Variants in PEMT observed in about 807,000 individuals in gnomAD.
PEMT encodes the protein phosphatidylethanolamine N-methyltransferase.
PEMT carries 23 observed loss-of-function variants against 27.4 expected under a neutral mutation model. The observed-to-expected ratio is 0.84, with a 90% CI of 0.60 to 1.19. PEMT has a LOEUF of 1.19. Among genes scored for constraint, PEMT ranks in the 50% most tolerant of loss-of-function variants. PEMT has a pLI of 0.00. For synonymous variants in PEMT, 137 were observed against 139.1 expected (o/e 0.98, Z 0.11); for missense variants, 307 against 310.1 (o/e 0.99, Z 0.07).
chr17:17,508,702 G>A (rs1308556817), intron 5 of PEMT: 5 of 446,138 alleles, frequency 1.1e-5, no homozygotes, highest in Admixed American at 2.6e-5. Context: ...ATCCTTGACC[G>A]CAGGTCCTCT....
intron 2 of PEMT, among the ~76,000 whole-genome samples, chr17:17,559,900 G>C (rs761553455): frequency 1.3e-5 from 2 of 152,218 alleles, no homozygotes. Context: ...GAGTGGCCCG[G>C]TGCTCTTCCT....
At position 17,586,273 on chromosome 17, in the gene PEMT, AAAGAAAGAAAGAAAG is replaced by A. The variant is rs1353297890; in HGVS notation, c.96+5243_96+5257del. Among the ~76,000 whole-genome samples, 261 of 115,146 alleles carry A rather than the reference AAAGAAAGAAAGAAAG, an allele frequency of 2.3e-3. 5 individuals are homozygous for A. Among genetic ancestry groups the A allele is most frequent in the Middle Eastern group, 0.012 (3 of 246 alleles). 75.5% of individuals were successfully genotyped at this position (115,146 alleles called of 152,430 possible). On this transcript the variant is annotated intron_variant, in intron 1 of 6. Transcript: ENST00000255389. ...GAAAGAAAGAAAGAAAGAAAGAAAG[AAAGAAAGAAAGAAAG>A]AAAAAAAAAAACGCAGGTGGAAAAT...
At chr17:17,522,828 G>A (rs1415928756) in intron 2 of PEMT, among the ~76,000 whole-genome samples, 2 of 152,188 alleles carry the variant, frequency 1.3e-5, no homozygotes, top group East Asian at 1.9e-4. Flanking sequence ...GCAGGAGCAC[G>A]CGGCCTTCAG....
chr17:17,522,355 G>A lies in PEMT; in HGVS notation c.245C>T (p.Ala82Val), dbSNP rs776110645. Residue 82 changes from alanine (A) to valine (V), a missense_variant, in exon 3 of 7, where the codon GCC (alanine) becomes GTC (valine). By Grantham distance (64) the Ala-to-Val change is moderately conservative. Transcript: ENST00000255389. ...GCAGGCCAGGTAGGGGGATCCGAAGGCCCTGCTCAGCTTGCGGGTCTTGTG... is the reference window on the plus strand; with the variant it reads ...GCAGGCCAGGTAGGGGGATCCGAAGACCCTGCTCAGCTTGCGGGTCTTGTG... ...WEHKTRKLSR[A>V]FGSPYLACYS... 2.5e-6 allele frequency: 4 copies of A among 1,613,518 alleles called. No individual in the cohort carries two copies. Among genetic ancestry groups the A allele is most frequent in the Non-Finnish European group, 3.4e-6 (4 of 1,179,868 alleles).
At chr17:17,546,023 C>T (rs1431697566) in intron 2 of PEMT, among the ~76,000 whole-genome samples, 1 of 152,218 alleles carries the variant, frequency 6.6e-6, no homozygotes, top group African/African-American at 2.4e-5. Context: ...CTTGCCTGGG[C>T]TCACTCCCAG....
At chr17:17,588,786 AC>A (rs1450010790) in intron 1 of PEMT, among the ~76,000 whole-genome samples, 2 of 152,120 alleles carry the variant, frequency 1.3e-5, no homozygotes, top group Non-Finnish European at 2.9e-5. Flanking sequence ...CAAGATGCAG[AC>A]CCTGCTCTCA....
chr17:17,509,650 C>G (rs549683705), intron 4 of PEMT, 105 bp from the exon 5 acceptor site: 2 of 776,184 alleles, frequency 2.6e-6, no homozygotes, highest in East Asian at 5.0e-5. Context: ...GCAGGTGAGA[C>G]AGGGCCCTGC....
chr17:17,507,171 C>G (rs751691716), intron 5 of PEMT: 1 of 1,561,216 alleles, frequency 6.4e-7, no homozygotes, highest in Non-Finnish European at 8.7e-7. Flanking sequence ...ATAGTTACCT[C>G]TGATCCCACA....
At chr17:17,588,821 C>A (rs1191332776) in intron 1 of PEMT, among the ~76,000 whole-genome samples, 1 of 152,228 alleles carries the variant, frequency 6.6e-6, no homozygotes, top group East Asian at 1.9e-4. Context: ...CCACTGCCTT[C>A]AGGCAGCTGC....
At chr17:17,517,501 G>A (rs1417916475) in intron 3 of PEMT, among the ~76,000 whole-genome samples, 2 of 152,212 alleles carry the variant, frequency 1.3e-5, no homozygotes, top group Non-Finnish European at 2.9e-5. Flanking sequence ...GGCCTGTCCT[G>A]ACCACATCCT....
chr17:17,583,807 C>G (rs541980025), intron 1 of PEMT, among the ~76,000 whole-genome samples: 87 of 152,256 alleles, frequency 5.7e-4, no homozygotes, highest in Non-Finnish European at 1.2e-3. Context: ...ATGCTGGAAT[C>G]TGAGGTCAGG....
At chr17:17,563,722 C>T (rs1457869927) in intron 2 of PEMT, among the ~76,000 whole-genome samples, 3 of 152,216 alleles carry the variant, frequency 2.0e-5, no homozygotes, top group East Asian at 1.9e-4. Flanking sequence ...AGCTCCTCAG[C>T]CAACCCTGAG....
intron 2 of PEMT, among the ~76,000 whole-genome samples, chr17:17,544,735 G>A (rs919789626): frequency 1.3e-5 from 2 of 152,176 alleles, no homozygotes; most frequent in African/African-American, 4.8e-5. Context: ...TTTCAAAATG[G>A]AGGCAGAACA....
In PEMT at chr17:17,591,512, G is replaced by A. The variant is rs1003840279; in HGVS notation, c.96+19C>T. 15 of 1,585,458 alleles carry A rather than the reference G, an allele frequency of 9.5e-6. No individual in the cohort carries two copies. In the African/African-American group the frequency reaches 1.1e-4, roughly 11 times the overall value. The stretch of plus-strand genomic sequence containing the variant: ...AGATCCCTCTCCCAGTTTCCGCGGC[G>A]GTCCGGTGCGGTCAGTACCTGTCTA... On this transcript the variant is annotated intron_variant, in intron 1 of 6. Coordinates refer to ENST00000255389, the MANE Select transcript of PEMT (RefSeq NM_148172.3).
intron 3 of PEMT, among the ~76,000 whole-genome samples, chr17:17,518,876 C>T (rs901363162): frequency 2.0e-5 from 3 of 152,050 alleles, no homozygotes; most frequent in African/African-American, 7.3e-5. Flanking sequence ...CTGCTCCAGG[C>T]CTATAGGGTG....
chr17:17,525,480 C>T (rs954154305), intron 2 of PEMT, among the ~76,000 whole-genome samples: 2 of 152,222 alleles, frequency 1.3e-5, no homozygotes, highest in Non-Finnish European at 2.9e-5. Context: ...CAACAATGAG[C>T]GGGTGCCGGA....
rs1314838148 is a variant in PEMT, at chr17:17,591,564, G to A, written c.63C>T (p.Cys21=). The A allele has an allele frequency of 6.2e-7, 1 of 1,613,596 alleles. No individual in the cohort carries two copies. The highest frequency in any genetic ancestry group is 8.5e-7 in the Non-Finnish European group (1 of 1,179,784). The part of the protein sequence containing the change: ...VTNSSVAGPD[C]CGGLGNIDFR... ...AATCAATATTGCCGAGGCCTCCGCAGCAGTCAGGCCCTGCCACCGAGCTGT... is the reference window on the plus strand; with the variant it reads ...AATCAATATTGCCGAGGCCTCCGCAACAGTCAGGCCCTGCCACCGAGCTGT... Residue 21 remains cysteine (C), a synonymous_variant, in exon 1 of 7, where the codon TGC becomes TGT. Coordinates refer to ENST00000255389, the MANE Select transcript of PEMT (RefSeq NM_148172.3).
Position 17,568,647 on chromosome 17 carries a change from C to T in PEMT, c.204+8273G>A, listed in dbSNP as rs557460916. 2.5e-4 allele frequency among the ~76,000 whole-genome samples: 38 copies of T among 152,312 alleles called. No homozygotes were observed. The East Asian group carries it at 6.9e-3, about 28-fold the overall frequency. The stretch of plus-strand genomic sequence containing the variant: ...ATAGCACCTACAAGGTCGGCTTTCC[C>T]GGCACCTGGAGGGATCCCTTGGGGC... On this transcript the variant is annotated intron_variant, in intron 2 of 6. Coordinates refer to ENST00000255389, the MANE Select transcript of PEMT (RefSeq NM_148172.3).
chr17:17,569,931 G>A (rs1312766314), intron 2 of PEMT, among the ~76,000 whole-genome samples: 1 of 152,168 alleles, frequency 6.6e-6, no homozygotes, highest in African/African-American at 2.4e-5. Context: ...GGGATGCCAG[G>A]AATCGCTGAG....
Sources: allele counts gnomAD v4.1 joint callset (sites outside exome capture counted in the v4.1 genomes callset), GRCh38; gene constraint gnomAD v4.1.1; transcripts MANE v1.5; gene names NCBI Gene and HGNC (gene_info 2026-07-23, HGNC 2026-07-21).